Variants in TIPARP observed in about 807,000 individuals in gnomAD.
The protein encoded by TIPARP is TCDD inducible poly(ADP-ribose) polymerase.
In TIPARP, 12 loss-of-function variants were observed where a neutral mutation model predicts 56.5. The observed-to-expected ratio is 0.21, with a 90% CI of 0.14 to 0.34. TIPARP has a LOEUF of 0.34. Ranked by LOEUF, TIPARP falls within the 10% of genes least tolerant of loss-of-function variation. The probability of loss-of-function intolerance (pLI) is 1.00; values close to 1 mark genes in which losing one functional copy is unlikely to be tolerated. For missense variants in TIPARP, 604 were observed against 781.6 expected (o/e 0.77, Z 2.71); for synonymous variants, 296 against 265.7 (o/e 1.11, Z -1.11).
intron 4 of TIPARP, 91 bp from the exon 5 acceptor site, chr3:156,703,333 A>T: frequency 2.3e-6 from 3 of 1,308,492 alleles, no homozygotes; most frequent in Non-Finnish European, 3.1e-6. Flanking sequence ...ACAGATTATA[A>T]TATTAAGTAG....
Position 156,688,491 on chromosome 3 carries a change from C to CA in TIPARP, c.918-5529_918-5528insA, listed in dbSNP as rs58396862. On this transcript the variant is annotated intron_variant, in intron 2 of 5. Transcript: ENST00000295924. Reference sequence around the variant, plus strand: ...AATAAGTTTTATTGCCGCCCCCCCCCGCAATAAGTAGCCCTGTGCTACTTA... The same window carrying CA: ...AATAAGTTTTATTGCCGCCCCCCCCCAGCAATAAGTAGCCCTGTGCTACTTA... 1.3e-4 allele frequency among the ~76,000 whole-genome samples: 19 copies of CA among 149,360 alleles called. 1 individual carries two copies. In the East Asian group the frequency reaches 3.8e-3, roughly 30 times the overall value.
Position 156,703,410 on chromosome 3 carries a change from C to T in TIPARP, c.1248-14C>T, listed in dbSNP as rs1180161743. The T allele has an allele frequency of 6.2e-7, 1 of 1,611,908 alleles. No homozygotes were observed. The highest frequency in any genetic ancestry group is 8.5e-7 in the Non-Finnish European group (1 of 1,179,100). On this transcript the variant is annotated splice_polypyrimidine_tract_variant and intron_variant, in intron 4 of 5. Coordinates refer to ENST00000295924, the MANE Select transcript of TIPARP (RefSeq NM_015508.5). ...TTAATGTTTTACATTGATGTTTCTT[C>T]CTCTCCATTTTAGGACACTTGGTGG...
At chr3:156,696,729 A>G (rs1722722561) in intron 4 of TIPARP, among the ~76,000 whole-genome samples, 1 of 152,160 alleles carries the variant, frequency 6.6e-6, no homozygotes, top group Non-Finnish European at 1.5e-5. Flanking sequence ...TCACATGGCC[A>G]CCTTTGAAAA....
chr3:156,680,296 C>G (rs948627068), intron 2 of TIPARP, among the ~76,000 whole-genome samples: 3 of 151,564 alleles, frequency 2.0e-5, no homozygotes, highest in African/African-American at 7.3e-5. Flanking sequence ...GTACTTTTAA[C>G]TTATTTTTTT....
intron 2 of TIPARP, among the ~76,000 whole-genome samples, chr3:156,686,275 A>T (rs996468027): frequency 6.6e-6 from 1 of 152,218 alleles, no homozygotes; most frequent in Non-Finnish European, 1.5e-5. Flanking sequence ...TAACTAATTG[A>T]TAAAATTGAA....
Position 156,678,523 on chromosome 3 carries a change from C to A in TIPARP, c.826C>A (p.Gln276Lys). Residue 276 changes from glutamine (Q) to lysine (K), a missense_variant, in exon 2 of 6, where the codon CAA (glutamine) becomes AAA (lysine). Around this residue, in one of 4 missense-constraint regions of TIPARP, gnomAD observed 252 missense variants for 303.9 expected, o/e 0.83. Transcript: ENST00000295924. ...YHWQIKRTTT[Q>K]KWQSVFNDSQ... ...TTGGCAGATCAAAAGGACAACTACT[C>A]AAAAGTGGCAGAGTGTATTCAATGA... 1 of 1,614,134 alleles carries A rather than the reference C, an allele frequency of 6.2e-7. No homozygotes were observed. Among genetic ancestry groups the A allele is most frequent in the Non-Finnish European group, 8.5e-7 (1 of 1,180,016 alleles).
intron 2 of TIPARP, among the ~76,000 whole-genome samples, chr3:156,680,527 T>A (rs959780469): frequency 2.0e-5 from 3 of 152,204 alleles, no homozygotes; most frequent in Non-Finnish European, 4.4e-5. Context: ...GAAGCAAATT[T>A]CCAGTCTGCT....
chr3:156,694,784 C>T (rs564350865), intron 3 of TIPARP, among the ~76,000 whole-genome samples: 1 of 152,278 alleles, frequency 6.6e-6, no homozygotes, highest in East Asian at 1.9e-4. Context: ...AATGACAATT[C>T]TGAGTCATTT....
chr3:156,701,153 A>G (rs1722834856), intron 4 of TIPARP, among the ~76,000 whole-genome samples: 2 of 152,222 alleles, frequency 1.3e-5, no homozygotes, highest in African/African-American at 4.8e-5. Flanking sequence ...TGTTAACCAT[A>G]TACATAGTCC....
chr3:156,703,409 TC>T lies in TIPARP; in HGVS notation c.1248-13del. On this transcript the variant is annotated splice_polypyrimidine_tract_variant and intron_variant, in intron 4 of 5. Transcript: ENST00000295924. ...CTTAATGTTTTACATTGATGTTTCT[TC>T]CTCTCCATTTTAGGACACTTGGTGG... 4 of 1,612,190 alleles carry T rather than the reference TC, an allele frequency of 2.5e-6. No homozygotes were observed. Among genetic ancestry groups the T allele is most frequent in the Non-Finnish European group, 3.4e-6 (4 of 1,179,248 alleles).
chr3:156,676,079 T>TG (rs1722117897), intron 1 of TIPARP, among the ~76,000 whole-genome samples: 1 of 152,190 alleles, frequency 6.6e-6, no homozygotes, highest in Non-Finnish European at 1.5e-5. Context: ...TTAGAGAGTG[T>TG]GCGCGTGGGG....
In TIPARP at chr3:156,678,525, A is replaced by T; in HGVS notation, c.828A>T (p.Gln276His). The stretch of plus-strand genomic sequence containing the variant: ...GGCAGATCAAAAGGACAACTACTCA[A>T]AAGTGGCAGAGTGTATTCAATGATT... ...YHWQIKRTTTQKWQSVFNDSQ... is the reference protein window; with the variant it reads ...YHWQIKRTTTHKWQSVFNDSQ... The change falls in exon 2 of 6, where the codon CAA becomes CAT. Residue 276 changes from glutamine (Q) to histidine (H), a missense_variant. Gln to His is a conservative substitution (Grantham distance 24). Coordinates refer to ENST00000295924, the MANE Select transcript of TIPARP (RefSeq NM_015508.5). 3 of 1,614,248 alleles carry T rather than the reference A, an allele frequency of 1.9e-6. No homozygotes were observed. In the South Asian group the frequency reaches 3.3e-5, roughly 18 times the overall value.
At chr3:156,691,465 C>T (rs1441310214) in intron 2 of TIPARP, among the ~76,000 whole-genome samples, 1 of 152,064 alleles carries the variant, frequency 6.6e-6, no homozygotes, top group Non-Finnish European at 1.5e-5. Context: ...TCTTAACGCC[C>T]CTGGAAGACA....
chr3:156,684,660 G>A (rs570942698), intron 2 of TIPARP, among the ~76,000 whole-genome samples: 5 of 152,278 alleles, frequency 3.3e-5, no homozygotes, highest in East Asian at 1.9e-4. Flanking sequence ...TCGAACTCCC[G>A]ACCTCAGATG....
chr3:156,690,753 T>C (rs934067906), intron 2 of TIPARP, among the ~76,000 whole-genome samples: 2 of 152,184 alleles, frequency 1.3e-5, no homozygotes, highest in Admixed American at 6.5e-5. Flanking sequence ...TAAATCCTAC[T>C]GTACAGTGGC....
chr3:156,687,827 T>A (rs1267112540), intron 2 of TIPARP, among the ~76,000 whole-genome samples: 1 of 152,198 alleles, frequency 6.6e-6, no homozygotes, highest in Non-Finnish European at 1.5e-5. Context: ...GGCACACAGA[T>A]AAATGTGATT....
chr3:156,695,144 CCT>C (rs1213024971), intron 3 of TIPARP, among the ~76,000 whole-genome samples: 1 of 151,952 alleles, frequency 6.6e-6, no homozygotes, highest in Non-Finnish European at 1.5e-5. Context: ...CTGTGTTTTT[CCT>C]CTGAGAAGTT....
At chr3:156,691,095 T>A (rs1232148144) in intron 2 of TIPARP, among the ~76,000 whole-genome samples, 1 of 152,156 alleles carries the variant, frequency 6.6e-6, no homozygotes, top group Non-Finnish European at 1.5e-5. Context: ...CAGATACCCC[T>A]GTTTAGAAGG....
intron 4 of TIPARP, among the ~76,000 whole-genome samples, chr3:156,697,002 A>G (rs1423704314): frequency 6.6e-6 from 1 of 152,210 alleles, no homozygotes; most frequent in Non-Finnish European, 1.5e-5. Flanking sequence ...AACAGTAAAA[A>G]CAAAATACAA....
Sources: allele counts gnomAD v4.1 joint callset (sites outside exome capture counted in the v4.1 genomes callset), GRCh38; gene constraint gnomAD v4.1.1; regional missense constraint gnomAD v4.1.1; transcripts MANE v1.5; gene names NCBI Gene and HGNC (gene_info 2026-07-23, HGNC 2026-07-21).